The following SPTLC1 variants were observed in gnomAD, a reference collection of about 807,000 sequenced individuals.
The protein encoded by SPTLC1 is serine palmitoyltransferase 1.
A neutral mutation model predicts 68.9 loss-of-function variants in SPTLC1; 55 were observed. The ratio of observed to expected loss-of-function variants is 0.80; its 90% confidence interval spans 0.64 to 1.00. The LOEUF (loss-of-function observed/expected upper bound fraction) is 1.00. SPTLC1 is among the 50% of genes least tolerant of loss of function. SPTLC1 has a pLI of 0.00. For synonymous variants in SPTLC1, 197 were observed against 201.6 expected, an observed-to-expected ratio of 0.98 and a Z score of 0.19; for missense variants, 449 against 573.1, an observed-to-expected ratio of 0.78 and a Z score of 2.21.
intron 3 of SPTLC1, among the ~76,000 whole-genome samples, chr9:92,106,731 C>T (rs1440879654): frequency 6.6e-6 from 1 of 152,234 alleles, no homozygotes; most frequent in East Asian, 1.9e-4. Flanking sequence ...TCCCACTGAC[C>T]TTGCCCCCAT....
chr9:92,113,022 G>A (rs529607844), intron 1 of SPTLC1, among the ~76,000 whole-genome samples: 4 of 152,168 alleles, frequency 2.6e-5, no homozygotes, highest in Admixed American at 1.3e-4. Flanking sequence ...CAGGAGAATC[G>A]CTTGAACCCA....
chr9:92,055,925 A>G (rs996470851), intron 7 of SPTLC1, among the ~76,000 whole-genome samples: 1 of 152,238 alleles, frequency 6.6e-6, no homozygotes, highest in South Asian at 2.1e-4. Flanking sequence ...AATTTTACCC[A>G]AAACAACTAT....
intron 5 of SPTLC1, 111 bp downstream of exon 5, chr9:92,079,905 T>A (rs1334752222): frequency 5.4e-6 from 5 of 920,418 alleles, no homozygotes; most frequent in Non-Finnish European, 7.2e-6. Context: ...TCCTCCCACC[T>A]CAGCCTCCCC....
chr9:92,077,654 ACT>A (rs1407399867), intron 5 of SPTLC1, among the ~76,000 whole-genome samples: 4 of 151,950 alleles, frequency 2.6e-5, no homozygotes, highest in Non-Finnish European at 4.4e-5. Flanking sequence ...CAGTATTTAA[ACT>A]CTGTCTACTT....
chr9:92,112,311 C>G, intron 2 of SPTLC1, 144 bp downstream of exon 2: 1 of 644,468 alleles, frequency 1.6e-6, no homozygotes. Flanking sequence ...ATTTTGCCTA[C>G]CCTAATAATT....
At chr9:92,056,270 C>T (rs111487743) in intron 7 of SPTLC1, among the ~76,000 whole-genome samples, 3,207 of 152,236 alleles carry the variant, frequency 0.021, 56 homozygotes, top group Non-Finnish European at 0.033. Context: ...CTCACTGTCA[C>T]CCAGGTGGGA....
At chr9:92,055,339 A>G (rs2118508517) in intron 8 of SPTLC1, 66 bp downstream of exon 8, 1 of 1,607,598 alleles carries the variant, frequency 6.2e-7, no homozygotes, top group African/African-American at 1.3e-5. Flanking sequence ...AAAAGCGGTC[A>G]TAAACAAAAG....
rs568421312 is a variant in SPTLC1, at chr9:92,109,505, C to T, written c.166-671G>A. The T allele has an allele frequency of 2.0e-5, 3 of 152,760 alleles. No individual in the cohort carries two copies. The East Asian group carries it at 5.8e-4, about 29-fold the overall frequency. The allele number at this position is 152,760 out of a possible 1,614,324, so 9.5% of individuals were successfully genotyped here. A position where few individuals can be genotyped will look rare whatever the true frequency, so the allele number is the denominator to read the frequency against. ...CAAACAATTCAAGCACTACTTACCACAATCCTCTTAGGAGTCTATTTCACC... is the reference window on the plus strand; with the variant it reads ...CAAACAATTCAAGCACTACTTACCATAATCCTCTTAGGAGTCTATTTCACC... On this transcript the variant is annotated intron_variant, in intron 2 of 14. Transcript: ENST00000262554.
chr9:92,063,216 A>G (rs923340094), intron 6 of SPTLC1, among the ~76,000 whole-genome samples: 1 of 152,210 alleles, frequency 6.6e-6, no homozygotes, highest in African/African-American at 2.4e-5. Flanking sequence ...AGACATCAGA[A>G]TAATACGGGA....
rs1245011101 is a variant in SPTLC1, at chr9:92,080,213, G to A, written c.355-125C>T. ...TCCAACTCTAACAGAATATAAAGAA[G>A]AGACAGGTGTAAAGACTGAGTATAT... On this transcript the variant is annotated intron_variant, in intron 4 of 14. Coordinates refer to ENST00000262554, the MANE Select transcript of SPTLC1 (RefSeq NM_006415.4). The A allele has an allele frequency of 6.6e-6, 5 of 760,814 alleles. No homozygotes were observed. In the East Asian group the frequency reaches 8.2e-5, roughly 13 times the overall value. 47.1% of individuals were successfully genotyped at this position (760,814 alleles called of 1,614,324 possible). A position where few individuals can be genotyped will look rare whatever the true frequency, so the allele number is the denominator to read the frequency against.
intron 3 of SPTLC1, among the ~76,000 whole-genome samples, chr9:92,099,298 G>T (rs934782434): frequency 2.6e-5 from 4 of 152,226 alleles, no homozygotes; most frequent in African/African-American, 9.6e-5. Flanking sequence ...CCACACAAAG[G>T]CATGACAGGA....
At chr9:92,045,308 A>G (rs988510343) in intron 12 of SPTLC1, among the ~76,000 whole-genome samples, 1 of 151,858 alleles carries the variant, frequency 6.6e-6, no homozygotes, top group African/African-American at 2.4e-5. Context: ...ATCACTTTAT[A>G]TAAGACCAGA....
intron 3 of SPTLC1, among the ~76,000 whole-genome samples, chr9:92,094,099 G>A (rs77453411): frequency 0.053 from 8,127 of 152,262 alleles, 279 homozygotes; most frequent in Middle Eastern, 0.065. Context: ...TGGGACCTCA[G>A]GGTAGGAAAT....
At chr9:92,043,290 G>A (rs1393299087) in intron 12 of SPTLC1, among the ~76,000 whole-genome samples, 2 of 152,002 alleles carry the variant, frequency 1.3e-5, no homozygotes, top group African/African-American at 4.8e-5. Context: ...CTTCCTCACT[G>A]GCCACTCTTT....
rs1327181554 is a variant in SPTLC1, at chr9:92,038,258, A to G, written c.1244T>C (p.Ile415Thr). Residue 415 changes from isoleucine (I) to threonine (T), a missense_variant, in exon 13 of 15, where the codon ATT becomes ACT. Physicochemically the swap from Ile to Thr is moderately conservative, Grantham distance 89. Coordinates refer to ENST00000262554, the MANE Select transcript of SPTLC1 (RefSeq NM_006415.4). ...TCAACGGATACTTACTTGATCTACA[A>G]TTTCCTGAAGCAGTCTGACATCTTG... The part of the protein sequence containing the change: ...REQDVRLLQE[I>T]VDQCMNRSIA... 1 of 1,612,338 alleles carries G rather than the reference A, an allele frequency of 6.2e-7. No individual in the cohort carries two copies. Among genetic ancestry groups the G allele is most frequent in the Admixed American group, 1.7e-5 (1 of 60,006 alleles).
In SPTLC1 at chr9:92,104,910, A is replaced by G. The variant is rs979221678; in HGVS notation, c.260+3830T>C. 13 of 1,534,234 alleles carry G rather than the reference A, an allele frequency of 8.5e-6. No individual in the cohort carries two copies. The African/African-American group carries it at 1.2e-4, about 15-fold the overall frequency. On this transcript the variant is annotated intron_variant, in intron 3 of 14. Coordinates refer to ENST00000262554, the MANE Select transcript of SPTLC1 (RefSeq NM_006415.4). ...GCAGTGAGTTTCTACTCCAAGGGCC[A>G]TGGAGTCGCCAGTTCACACAGCCCT...
intron 13 of SPTLC1, 63 bp from the exon 14 acceptor site, chr9:92,034,946 G>C (rs1833095858): frequency 5.2e-6 from 7 of 1,343,102 alleles, no homozygotes; most frequent in Non-Finnish European, 6.4e-6. Flanking sequence ...ATTAAACTGG[G>C]GGAACGCTGA....
intron 3 of SPTLC1, among the ~76,000 whole-genome samples, chr9:92,101,720 T>A (rs1321832019): frequency 6.8e-6 from 1 of 146,164 alleles, no homozygotes; most frequent in Non-Finnish European, 1.5e-5. Context: ...AGACAGGACT[T>A]CTGAAATAAC....
At chr9:92,070,593 G>A (rs529465438) in intron 5 of SPTLC1, among the ~76,000 whole-genome samples, 11 of 152,190 alleles carry the variant, frequency 7.2e-5, no homozygotes, top group African/African-American at 1.9e-4. Flanking sequence ...AGGGACAGGA[G>A]GCCTCACTAT....
Sources: allele counts gnomAD v4.1 joint callset (sites outside exome capture counted in the v4.1 genomes callset), GRCh38; gene constraint gnomAD v4.1.1; transcripts MANE v1.5; gene names NCBI Gene and HGNC (gene_info 2026-07-23, HGNC 2026-07-21).